Variants in SPTLC3 observed in about 807,000 individuals in gnomAD.
SPTLC3 encodes the protein serine palmitoyltransferase 3.
SPTLC3 carries 36 observed loss-of-function variants against 59.3 expected under a neutral mutation model. The observed-to-expected ratio is 0.61, with a 90% confidence interval of 0.47 to 0.80. SPTLC3 has a LOEUF of 0.80. SPTLC3 is among the 30% of genes least tolerant of loss of function. The probability of loss-of-function intolerance (pLI) is 0.00; values close to 1 mark genes in which losing one functional copy is unlikely to be tolerated. For synonymous variants in SPTLC3, 257 were observed against 240.8 expected (o/e 1.07, Z -0.62); for missense variants, 625 against 685.1 (o/e 0.91, Z 0.98).
intron 11 of SPTLC3, 155 bp from the exon 12 acceptor site, chr20:13,164,599 C>G: frequency 1.6e-6 from 1 of 631,992 alleles, no homozygotes; most frequent in Non-Finnish European, 2.8e-6. Context: ...TAAACCACAA[C>G]CTAATGGTAC....
chr20:13,038,434 T>C (rs143175082), intron 1 of SPTLC3, among the ~76,000 whole-genome samples: 14 of 152,268 alleles, frequency 9.2e-5, no homozygotes, highest in African/African-American at 2.6e-4. Context: ...TTTCTTAGAG[T>C]GTCCATTTCA....
chr20:13,070,194 C>T (rs6033610), intron 2 of SPTLC3, among the ~76,000 whole-genome samples: 1 of 152,028 alleles, frequency 6.6e-6, no homozygotes, highest in South Asian at 2.1e-4. Context: ...ATAACAAAAC[C>T]TACATCACAG....
chr20:13,080,720 G>T (rs975776507), intron 4 of SPTLC3, among the ~76,000 whole-genome samples: 2 of 152,038 alleles, frequency 1.3e-5, no homozygotes, highest in Non-Finnish European at 2.9e-5. Context: ...AAATTAGAGA[G>T]CAATTTGAAA....
At chr20:13,151,490 T>C (rs1190710800) in intron 9 of SPTLC3, among the ~76,000 whole-genome samples, 2 of 152,168 alleles carry the variant, frequency 1.3e-5, no homozygotes, top group East Asian at 3.9e-4. Context: ...CATCACAACC[T>C]GCCTGCTGGG....
chr20:13,101,250 C>T (rs1989589656), intron 6 of SPTLC3, among the ~76,000 whole-genome samples: 1 of 152,154 alleles, frequency 6.6e-6, no homozygotes, highest in Admixed American at 6.5e-5. Context: ...AAAGAATGGC[C>T]TGTGTTTGCA....
At chr20:13,023,164 T>C (rs935190225) in intron 1 of SPTLC3, among the ~76,000 whole-genome samples, 1 of 152,074 alleles carries the variant, frequency 6.6e-6, no homozygotes. Context: ...TCTGTGGGAC[T>C]CAGGCTCACA....
intron 4 of SPTLC3, among the ~76,000 whole-genome samples, chr20:13,090,875 T>C (rs1039187682): frequency 6.9e-6 from 1 of 145,494 alleles, no homozygotes; most frequent in Non-Finnish European, 1.5e-5. Flanking sequence ...TGTATTGAAT[T>C]CCACTGTATA....
chr20:13,066,446 T>C (rs1600246299), intron 2 of SPTLC3, among the ~76,000 whole-genome samples: 1 of 152,204 alleles, frequency 6.6e-6, no homozygotes, highest in East Asian at 1.9e-4. Context: ...GCCAGTACCA[T>C]GCTGTTTTGA....
intron 7 of SPTLC3, among the ~76,000 whole-genome samples, chr20:13,116,586 T>C (rs1182951296): frequency 2.6e-5 from 4 of 152,226 alleles, no homozygotes; most frequent in Non-Finnish European, 4.4e-5. Context: ...GGATCTTTGT[T>C]AATTTAGAGC....
At chr20:13,025,205 A>C (rs1245585136) in intron 1 of SPTLC3, among the ~76,000 whole-genome samples, 1 of 152,188 alleles carries the variant, frequency 6.6e-6, no homozygotes, top group Admixed American at 6.5e-5. Context: ...TTTTATAAAT[A>C]TTGTCAATCC....
intron 9 of SPTLC3, among the ~76,000 whole-genome samples, chr20:13,136,493 G>A (rs772417026): frequency 3.3e-5 from 5 of 151,714 alleles, no homozygotes; most frequent in African/African-American, 7.3e-5. Context: ...CCAGCTACTC[G>A]GGAGGAAGTG....
At chr20:13,042,607 G>A (rs1418343736) in intron 1 of SPTLC3, among the ~76,000 whole-genome samples, 1 of 152,190 alleles carries the variant, frequency 6.6e-6, no homozygotes, top group Non-Finnish European at 1.5e-5. Context: ...AAACAGAACT[G>A]AGAGTGATAA....
At chr20:13,081,522 A>G (rs1305333319) in intron 4 of SPTLC3, among the ~76,000 whole-genome samples, 3 of 152,232 alleles carry the variant, frequency 2.0e-5, no homozygotes, top group East Asian at 3.8e-4. Flanking sequence ...CAATATGCCT[A>G]AAGTATATTT....
At chr20:13,123,593 G>A (rs984411791) in intron 8 of SPTLC3, among the ~76,000 whole-genome samples, 5 of 152,136 alleles carry the variant, frequency 3.3e-5, no homozygotes, top group Admixed American at 2.0e-4. Context: ...TAACTCCTGC[G>A]TTATATTCCC....
chr20:13,083,203 T>A (rs1314372435), intron 4 of SPTLC3, among the ~76,000 whole-genome samples: 1 of 152,186 alleles, frequency 6.6e-6, no homozygotes, highest in Admixed American at 6.5e-5. Context: ...TCCAGGAGTT[T>A]ATCCAGACTT....
intron 1 of SPTLC3, among the ~76,000 whole-genome samples, chr20:13,037,554 T>C (rs1016741369): frequency 2.0e-5 from 3 of 152,144 alleles, no homozygotes; most frequent in Admixed American, 1.3e-4. Context: ...GTAATGACAG[T>C]TGGACCACAG....
chr20:13,058,466 G>A (rs1987817263), intron 2 of SPTLC3, among the ~76,000 whole-genome samples: 1 of 152,164 alleles, frequency 6.6e-6, no homozygotes, highest in Non-Finnish European at 1.5e-5. Context: ...GTGCTTTGCA[G>A]ACTTGGCTAC....
At chr20:13,161,814 G>A (rs183007686) in intron 11 of SPTLC3, among the ~76,000 whole-genome samples, 69 of 152,160 alleles carry the variant, frequency 4.5e-4, no homozygotes, top group African/African-American at 1.4e-3. Flanking sequence ...AATTATACAC[G>A]TACACATGTG....
At chr20:13,012,772 T>C (rs767381339) in intron 1 of SPTLC3, among the ~76,000 whole-genome samples, 4 of 152,144 alleles carry the variant, frequency 2.6e-5, no homozygotes, top group African/African-American at 4.8e-5. Context: ...ATGGCCAGGA[T>C]TTGAGCCCAA....
Sources: gnomAD v4.1 joint callset for allele counts (sites outside exome capture counted in the v4.1 genomes callset) on GRCh38, gnomAD v4.1.1 for gene constraint, MANE v1.5 for transcripts, NCBI Gene and HGNC (gene_info 2026-07-23, HGNC 2026-07-21) for gene names.